WWOX: variants seen among roughly 807,000 people sequenced by gnomAD.
WWOX encodes WW domain-containing oxidoreductase.
In WWOX, 69 loss-of-function variants were observed where a neutral mutation model predicts 46.2. The observed-to-expected ratio is 1.49, with a 90% CI of 1.23 to 1.82. WWOX has a LOEUF of 1.82. Ranked by LOEUF, WWOX falls within the 40% of genes most tolerant of loss-of-function variation. The pLI is 0.00. For synonymous variants in WWOX, 359 were observed against 202.6 expected (o/e 1.77, Z -6.56); for missense variants, 919 against 542.6 (o/e 1.69, Z -6.89).
intron 5 of WWOX, among the ~76,000 whole-genome samples, chr16:78,221,627 C>T (rs984290553): frequency 2.6e-5 from 4 of 152,154 alleles, no homozygotes; most frequent in African/African-American, 7.2e-5. Context: ...GTACTATAGC[C>T]TTCCTCATAT....
chr16:78,779,437 C>G (rs769171147), intron 8 of WWOX, among the ~76,000 whole-genome samples: 1 of 152,138 alleles, frequency 6.6e-6, no homozygotes, highest in East Asian at 1.9e-4. Flanking sequence ...TGTCCGGCCC[C>G]CCTTTCTTCT....
At chr16:78,803,218 A>G (rs1204977889) in intron 8 of WWOX, among the ~76,000 whole-genome samples, 1 of 151,850 alleles carries the variant, frequency 6.6e-6, no homozygotes, top group African/African-American at 2.4e-5. Flanking sequence ...TTAAATAAAA[A>G]GCTGTGGCTA....
intron 8 of WWOX, among the ~76,000 whole-genome samples, chr16:79,143,871 G>A (rs1567579586): frequency 6.6e-6 from 1 of 152,112 alleles, no homozygotes; most frequent in Non-Finnish European, 1.5e-5. Flanking sequence ...TAGCCACCAT[G>A]TTATACCCAC....
rs556381402 is a variant in WWOX, at chr16:78,189,910, C to T, written c.516+25621C>T. On this transcript the variant is annotated intron_variant, in intron 5 of 8. Coordinates refer to ENST00000566780, the MANE Select transcript of WWOX (RefSeq NM_016373.4). ...CCTCAAGTGATCCACCCACCTCGGC[C>T]TCCCAAAGTGCTGGGATTACAGGAA... is the stretch of plus-strand genomic sequence containing the variant. Among the ~76,000 whole-genome samples, 6 of 152,238 alleles carry T rather than the reference C, an allele frequency of 3.9e-5. No individual in the cohort carries two copies. In the East Asian group the frequency reaches 1.2e-3, roughly 29 times the overall value.
At chr16:78,771,672 T>C (rs2050067587) in intron 8 of WWOX, among the ~76,000 whole-genome samples, 1 of 152,070 alleles carries the variant, frequency 6.6e-6, no homozygotes, top group Non-Finnish European at 1.5e-5. Context: ...TTTGGAAGGC[T>C]GAAGCAGGAG....
intron 8 of WWOX, among the ~76,000 whole-genome samples, chr16:78,941,418 G>A (rs1053692249): frequency 2.6e-5 from 4 of 151,322 alleles, no homozygotes; most frequent in South Asian, 2.1e-4. Flanking sequence ...AGCGTTAGCC[G>A]TTGCTCCTCG....
At chr16:78,330,548 C>T (rs1436839210) in intron 5 of WWOX, among the ~76,000 whole-genome samples, 1 of 152,250 alleles carries the variant, frequency 6.6e-6, no homozygotes, top group East Asian at 1.9e-4. Flanking sequence ...AGGCGCATGC[C>T]ACCACCGCCA....
chr16:78,187,682 G>C (rs1479291282), intron 5 of WWOX, among the ~76,000 whole-genome samples: 1 of 152,178 alleles, frequency 6.6e-6, no homozygotes, highest in African/African-American at 2.4e-5. Flanking sequence ...TTCACTAGAA[G>C]GTGTGACATT....
chr16:78,115,039 G>A lies in WWOX; in HGVS notation c.294G>A (p.Pro98=). ...PRLAFTVDDN[P]TKPTTRQRYD... ...TGGCGTTTACTGTGGATGATAATCC[G>A]ACCAAGCCAACCACCCGGCAAAGAT... is the stretch of plus-strand genomic sequence containing the variant. The change falls in exon 4 of 9, where the codon CCG becomes CCA. Residue 98 remains proline, a synonymous_variant. Transcript: ENST00000566780. 4 of 1,614,138 alleles carry A rather than the reference G, an allele frequency of 2.5e-6. No individual in the cohort carries two copies. Among genetic ancestry groups the A allele is most frequent in the Non-Finnish European group, 2.5e-6 (3 of 1,180,018 alleles).
rs2080996088 is a variant in WWOX, at chr16:78,340,651, A to G, written c.517-46209A>G. ...CTCCTCTGAAGGATGATCTGGCTGGACTATTTTTTGGGAAAACCACTGTGT... is the reference window on the plus strand; with the variant it reads ...CTCCTCTGAAGGATGATCTGGCTGGGCTATTTTTTGGGAAAACCACTGTGT... On this transcript the variant is annotated intron_variant, in intron 5 of 8. Transcript: ENST00000566780. 1.7e-5 allele frequency among the ~76,000 whole-genome samples: 2 copies of G among 120,500 alleles called. 1 individual carries two copies. Among genetic ancestry groups the G allele is most frequent in the Admixed American group, 1.6e-4 (2 of 12,286 alleles). 79.1% of individuals were successfully genotyped at this position (120,500 alleles called of 152,430 possible).
At chr16:78,452,254 A>C (rs2083708036) in intron 8 of WWOX, among the ~76,000 whole-genome samples, 1 of 152,206 alleles carries the variant, frequency 6.6e-6, no homozygotes, top group African/African-American at 2.4e-5. Flanking sequence ...CCCTTTGAAC[A>C]AATGGATATT....
intron 8 of WWOX, among the ~76,000 whole-genome samples, chr16:79,183,898 A>G (rs1436981092): frequency 6.6e-6 from 1 of 152,136 alleles, no homozygotes; most frequent in Non-Finnish European, 1.5e-5. Flanking sequence ...TCTGGTCTCT[A>G]TACTTAGAGC....
intron 8 of WWOX, among the ~76,000 whole-genome samples, chr16:78,910,021 A>T (rs904355753): frequency 8.5e-5 from 13 of 152,252 alleles, no homozygotes; most frequent in African/African-American, 3.1e-4. Context: ...AAGTATAATT[A>T]CATTTGATGT....
chr16:78,493,960 C>G (rs1243045033), intron 8 of WWOX, among the ~76,000 whole-genome samples: 2 of 152,166 alleles, frequency 1.3e-5, no homozygotes, highest in Admixed American at 6.5e-5. Flanking sequence ...TTAGTCGATT[C>G]TCACACTGCT....
chr16:78,104,944 G>C (rs570146286), intron 1 of WWOX, among the ~76,000 whole-genome samples: 13 of 152,304 alleles, frequency 8.5e-5, no homozygotes, highest in Admixed American at 2.6e-4. Flanking sequence ...AGAGTGGCTG[G>C]CAAATGGGAG....
intron 8 of WWOX, among the ~76,000 whole-genome samples, chr16:79,049,887 G>C (rs1016323829): frequency 6.6e-6 from 1 of 151,174 alleles, no homozygotes; most frequent in Non-Finnish European, 1.5e-5. Context: ...AGAGTGAGCA[G>C]TACCCAGCCA....
intron 8 of WWOX, among the ~76,000 whole-genome samples, chr16:79,100,582 C>G (rs780049242): frequency 1.3e-5 from 2 of 152,146 alleles, no homozygotes; most frequent in Admixed American, 6.5e-5. Context: ...TTTTCCTATA[C>G]AAGTCACCAG....
intron 5 of WWOX, among the ~76,000 whole-genome samples, chr16:78,261,788 C>CTAGATATATATATATATATATATATA (rs1491587303): frequency 1.4e-5 from 1 of 73,744 alleles, no homozygotes; most frequent in African/African-American, 5.7e-5. Context: ...ATCTATCTAT[C>CTAGATATATATATATATATATATATA]TATATATATA....
intron 8 of WWOX, among the ~76,000 whole-genome samples, chr16:79,131,826 T>A (rs973281264): frequency 2.6e-5 from 4 of 152,126 alleles, no homozygotes; most frequent in Non-Finnish European, 1.5e-5. Flanking sequence ...TACAGTTCCA[T>A]ATTGCTGGGG....
Sources: gnomAD v4.1 joint callset for allele counts (sites outside exome capture counted in the v4.1 genomes callset) on GRCh38, gnomAD v4.1.1 for gene constraint, MANE v1.5 for transcripts, NCBI Gene and HGNC (gene_info 2026-07-23, HGNC 2026-07-21) for gene names.